Variants in NTN1 observed in about 807,000 individuals in gnomAD.
NTN1 encodes the protein netrin 1, also known as netrin-1.
A neutral mutation model predicts 54.2 loss-of-function variants in NTN1; 11 were observed. That is an observed-to-expected ratio of 0.20 (90% CI 0.13 to 0.34). The LOEUF is 0.34. Ranked by LOEUF, NTN1 falls within the 10% of genes least tolerant of loss-of-function variation. NTN1 has a pLI of 1.00. For missense variants in NTN1, 740 were observed against 893.1 expected (o/e 0.83, Z 2.18); for synonymous variants, 371 against 382.0 (o/e 0.97, Z 0.33).
Position 9,022,653 on chromosome 17 carries a change from T to C in NTN1, c.280T>C (p.Cys94Arg). Residue 94 changes from cysteine to arginine, a missense_variant, in exon 2 of 7, where the codon TGC (cysteine) becomes CGC (arginine). Transcript: ENST00000173229. ...GEERLRSCHLCNASDPKKAHP... is the reference protein window; with the variant it reads ...GEERLRSCHLRNASDPKKAHP... The stretch of plus-strand genomic sequence containing the variant: ...GGAGCGGCTGCGCTCGTGCCACCTC[T>C]GCAACGCGTCCGACCCCAAGAAGGC... The C allele has an allele frequency of 6.4e-7, 1 of 1,565,704 alleles. No homozygotes were observed. The highest frequency in any genetic ancestry group is 8.6e-7 in the Non-Finnish European group (1 of 1,156,718).
chr17:9,128,636 G>A (rs1416851953), intron 2 of NTN1, among the ~76,000 whole-genome samples: 2 of 152,124 alleles, frequency 1.3e-5, no homozygotes, highest in Non-Finnish European at 2.9e-5. Context: ...GTTTTCCTTG[G>A]ATTCAAACTG....
chr17:9,208,983 A>G (rs734515), intron 5 of NTN1, among the ~76,000 whole-genome samples: 29,369 of 152,178 alleles, frequency 0.19, 3,250 homozygotes, highest in Non-Finnish European at 0.26. Context: ...TGCCTTTCCC[A>G]CTGGCCTGCC....
chr17:9,027,641 T>A (rs2091875544), intron 2 of NTN1, among the ~76,000 whole-genome samples: 1 of 152,260 alleles, frequency 6.6e-6, no homozygotes, highest in Non-Finnish European at 1.5e-5. Flanking sequence ...TGTTGCATTA[T>A]GTATTTTACA....
At chr17:9,208,835 T>C (rs1394679057) in intron 5 of NTN1, among the ~76,000 whole-genome samples, 2 of 152,264 alleles carry the variant, frequency 1.3e-5, no homozygotes, top group African/African-American at 2.4e-5. Flanking sequence ...ACCTTGCTCC[T>C]GTCCGGAGAC....
At chr17:9,136,347 G>GTGGA (rs1328427480) in intron 2 of NTN1, among the ~76,000 whole-genome samples, 2 of 152,250 alleles carry the variant, frequency 1.3e-5, no homozygotes. Flanking sequence ...GCCAAGGCAG[G>GTGGA]TGGATCACCT....
intron 2 of NTN1, among the ~76,000 whole-genome samples, chr17:9,152,824 G>A (rs2092331377): frequency 6.6e-6 from 1 of 152,192 alleles, no homozygotes. Context: ...GGGTTCAGAG[G>A]GGCCAAGTGG....
chr17:9,188,663 G>A (rs1904356607), intron 5 of NTN1, among the ~76,000 whole-genome samples: 1 of 152,124 alleles, frequency 6.6e-6, no homozygotes, highest in Non-Finnish European at 1.5e-5. Context: ...GAAGTCGTCT[G>A]TCGTCTTCCA....
intron 5 of NTN1, 68 bp downstream of exon 5, chr17:9,183,037 G>A (rs1308529636): frequency 6.6e-7 from 1 of 1,510,116 alleles, no homozygotes; most frequent in Non-Finnish European, 9.2e-7. Context: ...GTGGGTTAAT[G>A]GGGAAGGGGC....
intron 2 of NTN1, among the ~76,000 whole-genome samples, chr17:9,116,178 C>T (rs939565830): frequency 1.3e-5 from 2 of 152,214 alleles, no homozygotes; most frequent in African/African-American, 4.8e-5. Flanking sequence ...TCCACAGAGG[C>T]GAGTGGCTCT....
chr17:9,183,472 C>T (rs890888434), intron 5 of NTN1: 7 of 382,840 alleles, frequency 1.8e-5, no homozygotes, highest in Middle Eastern at 8.1e-4. Context: ...AAAGAGAGGC[C>T]GCAGACCGCA....
chr17:9,100,596 T>A (rs1415186312), intron 2 of NTN1, among the ~76,000 whole-genome samples: 1 of 152,182 alleles, frequency 6.6e-6, no homozygotes, highest in African/African-American at 2.4e-5. Context: ...CCACTGCGCC[T>A]GGCCTTATCT....
At chr17:9,105,660 T>TCTC in intron 2 of NTN1, among the ~76,000 whole-genome samples, 2 of 142,100 alleles carry the variant, frequency 1.4e-5, no homozygotes, top group South Asian at 4.3e-4. Flanking sequence ...CTCTCTCTCT[T>TCTC]TCTCTCTCTC....
At chr17:9,064,335 G>A (rs141569275) in intron 2 of NTN1, among the ~76,000 whole-genome samples, 54 of 152,182 alleles carry the variant, frequency 3.5e-4, no homozygotes, top group Non-Finnish European at 5.1e-4. Flanking sequence ...GTAAATGACC[G>A]CTGCCATTTT....
rs528867369 is a variant in NTN1, at chr17:9,064,654, C to T, written c.1018+41263C>T. 2.6e-5 allele frequency among the ~76,000 whole-genome samples: 4 copies of T among 151,990 alleles called. No homozygotes were observed. The South Asian group carries it at 8.3e-4, about 31-fold the overall frequency. ...TCATAGTGTATTTCATGACATCATT[C>T]ACATCATTCACACTGCCGAGTCACC... On this transcript the variant is annotated intron_variant, in intron 2 of 6. Coordinates refer to ENST00000173229, the MANE Select transcript of NTN1 (RefSeq NM_004822.3).
rs1390213634 is a variant in NTN1, at chr17:9,239,247, G to GT, written c.1487-393_1487-392insT. 3.3e-5 allele frequency among the ~76,000 whole-genome samples: 5 copies of GT among 152,192 alleles called. No homozygotes were observed. Among genetic ancestry groups the GT allele is most frequent in the Non-Finnish European group, 7.4e-5 (5 of 68,026 alleles). ...GTGTAAAGTGACTTGGGCCTTTGGA[G>GT]AAGCGCACCCCTGAGGAACCTCCCT... On this transcript the variant is annotated intron_variant, in intron 6 of 6. Transcript: ENST00000173229. This position sits in a 1 kb window ranked among gnomAD's most constrained non-coding sequence, Gnocchi z 5.2.
At chr17:9,032,793 A>T (rs1206914651) in intron 2 of NTN1, among the ~76,000 whole-genome samples, 2 of 151,954 alleles carry the variant, frequency 1.3e-5, no homozygotes, top group Non-Finnish European at 2.9e-5. Flanking sequence ...GCCAGACCTC[A>T]GAGGTGGGCA....
In NTN1 at chr17:9,022,900, T is replaced by G. The variant is rs779511545; in HGVS notation, c.527T>G (p.Phe176Cys). 1 of 1,612,148 alleles carries G rather than the reference T, an allele frequency of 6.2e-7. No individual in the cohort carries two copies. The highest frequency in any genetic ancestry group is 8.5e-7 in the Non-Finnish European group (1 of 1,179,894). ...GGGCGCACGTGGGTGCCCTTCCAGT[T>G]CTACTCCACGCAGTGCCGCAAGATG... ...DYGRTWVPFQ[F>C]YSTQCRKMYN... The change falls in exon 2 of 7, where the codon TTC becomes TGC. Residue 176 changes from phenylalanine (F) to cysteine (C), a missense_variant. By Grantham distance (205) the Phe-to-Cys change is radical. Coordinates refer to ENST00000173229, the MANE Select transcript of NTN1 (RefSeq NM_004822.3).
intron 3 of NTN1, among the ~76,000 whole-genome samples, chr17:9,163,765 G>T (rs1290340922): frequency 6.6e-6 from 1 of 152,070 alleles, no homozygotes; most frequent in African/African-American, 2.4e-5. Context: ...AGAATTCAGT[G>T]ATGCTGGAGG....
At position 9,022,931 on chromosome 17, in the gene NTN1, C is replaced by T. The variant is rs746720404; in HGVS notation, c.558C>T (p.Asn186=). The change falls in exon 2 of 7, where the codon AAC becomes AAT. Residue 186 remains asparagine (N), a synonymous_variant. Coordinates refer to ENST00000173229, the MANE Select transcript of NTN1 (RefSeq NM_004822.3). The stretch of plus-strand genomic sequence containing the variant: ...CCACGCAGTGCCGCAAGATGTACAA[C>T]CGGCCGCACCGCGCGCCCATCACCA... ...FYSTQCRKMY[N]RPHRAPITKQ... 5 of 1,611,896 alleles carry T rather than the reference C, an allele frequency of 3.1e-6. No homozygotes were observed. The East Asian group carries it at 1.1e-4, about 36-fold the overall frequency.
Sources: allele counts gnomAD v4.1 joint callset (sites outside exome capture counted in the v4.1 genomes callset), GRCh38; gene constraint gnomAD v4.1.1; non-coding constraint Gnocchi (gnomAD v3.1); transcripts MANE v1.5; gene names NCBI Gene and HGNC (gene_info 2026-07-23, HGNC 2026-07-21).